Variants in WWOX observed in about 807,000 individuals in gnomAD.
WWOX encodes the protein WW domain-containing oxidoreductase.
WWOX carries 69 observed loss-of-function variants against 46.2 expected under a neutral mutation model. The ratio of observed to expected loss-of-function variants is 1.49; its 90% confidence interval spans 1.23 to 1.82. The LOEUF is 1.82. WWOX is among the 40% of genes most tolerant of loss of function. WWOX has a pLI of 0.00. For synonymous variants in WWOX, 359 were observed against 202.6 expected (o/e 1.77, Z -6.56); for missense variants, 919 against 542.6 (o/e 1.69, Z -6.89).
intron 8 of WWOX, among the ~76,000 whole-genome samples, chr16:79,085,537 A>G (rs1265143993): frequency 6.6e-6 from 1 of 152,206 alleles, no homozygotes; most frequent in African/African-American, 2.4e-5. Flanking sequence ...CCTATAAAGA[A>G]AATTTCTCTG....
At chr16:78,424,796 A>G in intron 6 of WWOX, 74 bp from the exon 7 acceptor site, 1 of 1,550,692 alleles carries the variant, frequency 6.4e-7, no homozygotes, top group South Asian at 1.1e-5. Flanking sequence ...CATCACGTGG[A>G]TTCCCGAAGG....
At chr16:78,565,790 A>G (rs1261903189) in intron 8 of WWOX, among the ~76,000 whole-genome samples, 3 of 152,122 alleles carry the variant, frequency 2.0e-5, no homozygotes, top group Admixed American at 6.5e-5. Flanking sequence ...AGTAGAGAAT[A>G]TAAGCTTTAT....
chr16:79,192,300 GATTCATTCATTCATTC>G (rs3032258), intron 8 of WWOX, among the ~76,000 whole-genome samples: 18 of 151,226 alleles, frequency 1.2e-4, no homozygotes, highest in Middle Eastern at 6.8e-3. Flanking sequence ...TTTTCGCAGT[GATTCATTCATTCATTC>G]ATTCATTCAT....
intron 5 of WWOX, among the ~76,000 whole-genome samples, chr16:78,314,982 C>T (rs1288930192): frequency 6.6e-6 from 1 of 152,120 alleles, no homozygotes; most frequent in Non-Finnish European, 1.5e-5. Flanking sequence ...AAAAGAAGAA[C>T]TTCTCCTTCA....
chr16:78,439,062 G>A (rs890995254), intron 8 of WWOX, among the ~76,000 whole-genome samples: 1 of 152,150 alleles, frequency 6.6e-6, no homozygotes, highest in Admixed American at 6.5e-5. Flanking sequence ...TTAAATACCT[G>A]CAGCTGACTA....
intron 8 of WWOX, among the ~76,000 whole-genome samples, chr16:78,697,475 G>A (rs563817216): frequency 2.0e-5 from 3 of 152,268 alleles, no homozygotes; most frequent in African/African-American, 7.2e-5. Flanking sequence ...ACAACCCGCA[G>A]AGTGGGAGAA....
chr16:78,392,994 C>T (rs555400516), intron 6 of WWOX, among the ~76,000 whole-genome samples: 107 of 152,200 alleles, frequency 7.0e-4, no homozygotes, highest in African/African-American at 2.0e-3. Flanking sequence ...CAGTGTGTCT[C>T]GGGTCAAATT....
At chr16:78,966,532 C>T (rs1351175289) in intron 8 of WWOX, among the ~76,000 whole-genome samples, 1 of 151,678 alleles carries the variant, frequency 6.6e-6, no homozygotes, top group Non-Finnish European at 1.5e-5. Flanking sequence ...TAACTCTTCC[C>T]CTAATAGTGA....
At chr16:78,637,824 ATTGTG>A (rs1251443648) in intron 8 of WWOX, among the ~76,000 whole-genome samples, 1 of 152,126 alleles carries the variant, frequency 6.6e-6, no homozygotes, top group African/African-American at 2.4e-5. Context: ...GCCAGGGCCT[ATTGTG>A]TTGTGTGTGT....
intron 5 of WWOX, among the ~76,000 whole-genome samples, chr16:78,295,858 C>A (rs982786701): frequency 6.6e-6 from 1 of 152,210 alleles, no homozygotes; most frequent in African/African-American, 2.4e-5. Flanking sequence ...GGAGTGCAGC[C>A]CAAAGATCTG....
intron 8 of WWOX, chr16:78,891,534 C>A (rs1435466671): frequency 8.5e-5 from 13 of 152,122 alleles, no homozygotes; most frequent in Admixed American, 6.5e-4. Flanking sequence ...AAAACACTAC[C>A]CCTAGGTTAC....
intron 4 of WWOX, among the ~76,000 whole-genome samples, chr16:78,137,353 A>G (rs540139337): frequency 1.0e-3 from 157 of 152,302 alleles, no homozygotes; most frequent in African/African-American, 3.4e-3. Context: ...GGCCTGGCAC[A>G]GTATCTTTCA....
chr16:78,959,060 A>C (rs1226333219), intron 8 of WWOX, among the ~76,000 whole-genome samples: 1 of 152,196 alleles, frequency 6.6e-6, no homozygotes, highest in Non-Finnish European at 1.5e-5. Flanking sequence ...TGTTTTTAAA[A>C]ATGCTTGTCT....
intron 8 of WWOX, among the ~76,000 whole-genome samples, chr16:78,915,353 G>C (rs1041774366): frequency 2.0e-5 from 3 of 152,182 alleles, no homozygotes; most frequent in Non-Finnish European, 2.9e-5. Context: ...CGATTCAAAA[G>C]ACCCCTTTCA....
intron 8 of WWOX, among the ~76,000 whole-genome samples, chr16:79,066,123 G>A (rs141724441): frequency 7.4e-4 from 113 of 152,140 alleles, no homozygotes; most frequent in Admixed American, 2.4e-3. Flanking sequence ...TTTGTGCACT[G>A]CCCAAGAACC....
chr16:78,210,809 A>G (rs1214020879), intron 5 of WWOX, among the ~76,000 whole-genome samples: 1 of 152,194 alleles, frequency 6.6e-6, no homozygotes, highest in East Asian at 1.9e-4. Context: ...AATTCTCCAA[A>G]GTAGCCTATC....
intron 4 of WWOX, chr16:78,124,316 AT>A (rs1432643535): frequency 6.6e-6 from 1 of 152,184 alleles, no homozygotes. Context: ...TGTTTATCTA[AT>A]AAATTGTTAA....
At chr16:79,148,888 T>C (rs1262052119) in intron 8 of WWOX, among the ~76,000 whole-genome samples, 1 of 148,190 alleles carries the variant, frequency 6.7e-6, no homozygotes, top group Admixed American at 6.8e-5. Flanking sequence ...TGATTGCATT[T>C]ATTATAAAGT....
At chr16:79,015,280 G>T (rs2550724) in intron 8 of WWOX, among the ~76,000 whole-genome samples, 61,188 of 152,004 alleles carry the variant, frequency 0.4, 12,783 homozygotes, top group African/African-American at 0.49. Context: ...TGGGGTCAGA[G>T]GAAGCTCAGC....
Sources: allele counts gnomAD v4.1 joint callset (sites outside exome capture counted in the v4.1 genomes callset), GRCh38; gene constraint gnomAD v4.1.1; transcripts MANE v1.5; gene names NCBI Gene and HGNC (gene_info 2026-07-23, HGNC 2026-07-21).